ENTPD4: variants seen among roughly 807,000 people sequenced by gnomAD.
ENTPD4 encodes Golgi UDPase.
A neutral mutation model predicts 79.1 loss-of-function variants in ENTPD4; 60 were observed. The observed-to-expected ratio is 0.76, with a 90% CI of 0.62 to 0.94. The LOEUF (loss-of-function observed/expected upper bound fraction) is 0.94. Ranked by LOEUF, ENTPD4 falls within the 40% of genes least tolerant of loss-of-function variation. The probability of loss-of-function intolerance (pLI) is 0.00; values close to 1 mark genes in which losing one functional copy is unlikely to be tolerated. For missense variants in ENTPD4, 772 were observed against 775.1 expected (o/e 1.00, Z 0.05); for synonymous variants, 276 against 292.0 (o/e 0.95, Z 0.56).
At chr8:23,454,284 C>CATCAGTG (rs1800915275) in intron 1 of ENTPD4, among the ~76,000 whole-genome samples, 1 of 151,906 alleles carries the variant, frequency 6.6e-6, no homozygotes, top group Non-Finnish European at 1.5e-5. Context: ...TTAAAAAAAA[C>CATCAGTG]ATCAGTGATA....
rs1585399237 is a variant in ENTPD4, at chr8:23,433,298, C to G, written c.1623-144G>C. 4.7e-6 allele frequency: 3 copies of G among 639,290 alleles called. No homozygotes were observed. The East Asian group carries it at 8.2e-5, about 18-fold the overall frequency. 39.6% of individuals were successfully genotyped at this position (639,290 alleles called of 1,614,324 possible). A position where few individuals can be genotyped will look rare whatever the true frequency, so the allele number is the denominator to read the frequency against. On this transcript the variant is annotated intron_variant, in intron 12 of 12. Transcript: ENST00000358689. ...ACCTCTGAAATGGAGAACGGAACAG[C>G]CCAATGCAGGGGGCTTCTAAGTATC...
chr8:23,441,887 C>A, intron 7 of ENTPD4, 120 bp downstream of exon 7: 1 of 1,125,726 alleles, frequency 8.9e-7, no homozygotes, highest in South Asian at 1.4e-5. Flanking sequence ...TGCAGCTGCT[C>A]TCATTCTACT....
chr8:23,442,451 C>A (rs1015083740), intron 6 of ENTPD4, among the ~76,000 whole-genome samples: 2 of 152,044 alleles, frequency 1.3e-5, no homozygotes, highest in African/African-American at 4.8e-5. Context: ...TTTGTGAGGC[C>A]GAGGCAGGCA....
At chr8:23,441,968 T>C in intron 7 of ENTPD4, 39 bp downstream of exon 7, 1 of 1,556,474 alleles carries the variant, frequency 6.4e-7, no homozygotes, top group Non-Finnish European at 8.9e-7. Flanking sequence ...AAAGCACCAA[T>C]TTCCAACTAG....
At chr8:23,439,092 C>G (rs1800622816) in intron 9 of ENTPD4, among the ~76,000 whole-genome samples, 1 of 152,084 alleles carries the variant, frequency 6.6e-6, no homozygotes, top group Non-Finnish European at 1.5e-5. Flanking sequence ...TTACAAATTT[C>G]AAATAAATAA....
At position 23,430,393 on chromosome 8, in the gene ENTPD4, G is replaced by A. The variant is rs1002738198; in HGVS notation, c.*2533C>T. 2 of 985,288 alleles carry A rather than the reference G, an allele frequency of 2.0e-6. No individual in the cohort carries two copies. The highest frequency in any genetic ancestry group is 2.4e-6 in the Non-Finnish European group (2 of 829,930). The allele number at this position is 985,288 out of a possible 1,614,324, so 61.0% of individuals were successfully genotyped here. On this transcript the variant is annotated 3_prime_UTR_variant, in exon 13 of 13. Transcript: ENST00000358689. ...ACAAATATTTTAAGATTGAAGTTTG[G>A]TTACTTCTCTTGTCCATCTTTTCGT...
At chr8:23,444,344 T>C in intron 5 of ENTPD4, 112 bp downstream of exon 5, 1 of 957,934 alleles carries the variant, frequency 1.0e-6, no homozygotes, top group Non-Finnish European at 1.6e-6. Flanking sequence ...TTGAATATTT[T>C]CCTTTCAATG....
chr8:23,431,469 C>T lies in ENTPD4; in HGVS notation c.*1457G>A. The T allele has an allele frequency of 1.3e-5, 13 of 985,466 alleles. No individual in the cohort carries two copies. Among genetic ancestry groups the T allele is most frequent in the South Asian group, 9.4e-5 (2 of 21,292 alleles). 61.0% of individuals were successfully genotyped at this position (985,466 alleles called of 1,614,324 possible). On this transcript the variant is annotated 3_prime_UTR_variant, in exon 13 of 13. Coordinates refer to ENST00000358689, the MANE Select transcript of ENTPD4 (RefSeq NM_004901.5). ...AATAGGTGAAAAAACACCAATCTCA[C>T]ATATGCCAATCCAATTGTCCTTTTT...
rs1402591963 is a variant in ENTPD4, at chr8:23,441,699, T to A, written c.752A>T (p.Asn251Ile). 1.2e-5 allele frequency: 19 copies of A among 1,613,990 alleles called. No individual in the cohort carries two copies. Among genetic ancestry groups the A allele is most frequent in the Non-Finnish European group, 1.5e-5 (18 of 1,180,036 alleles). The change falls in exon 8 of 13, where the codon AAC (asparagine) becomes ATC (isoleucine). Residue 251 changes from asparagine (N) to isoleucine (I), a missense_variant. By Grantham distance (149) the Asn-to-Ile change is moderately radical. Coordinates refer to ENST00000358689, the MANE Select transcript of ENTPD4 (RefSeq NM_004901.5). ...EDDDEAVVEV[N>I]IPGSESSEAI... ...TTCGCTGCTTTCACTTCCAGGAATG[T>A]TAACTTCCACAACGGCCTCATCATC...
chr8:23,454,275 T>TA (rs1016167473), intron 1 of ENTPD4, among the ~76,000 whole-genome samples: 5 of 151,950 alleles, frequency 3.3e-5, no homozygotes, highest in South Asian at 2.1e-4. Flanking sequence ...TCTGAACATT[T>TA]AAAAAAAACA....
chr8:23,454,094 T>C (rs546269068), intron 1 of ENTPD4, among the ~76,000 whole-genome samples: 2 of 152,372 alleles, frequency 1.3e-5, no homozygotes, highest in South Asian at 4.1e-4. Flanking sequence ...TTTTCTTCCC[T>C]AGGCTTGCCT....
rs570420189 is a variant in ENTPD4, at chr8:23,432,952, C to A, written c.1825G>T (p.Ala609Ser). ...AALWMEEGLP[A>S]QNAPGTL ...CACAAGGTCCCCGGGGCATTCTGGG[C>A]GGGAAGGCCCTCCTCCATCCAGAGG... Residue 609 changes from alanine (A) to serine (S), a missense_variant, in exon 13 of 13, where the codon GCC becomes TCC. Ala to Ser is a moderately conservative substitution (Grantham distance 99). Transcript: ENST00000358689. 8.7e-6 allele frequency: 14 copies of A among 1,608,592 alleles called. 1 individual carries two copies. Among genetic ancestry groups the A allele is most frequent in the South Asian group, 2.2e-5 (2 of 90,464 alleles).
chr8:23,441,084 C>A (rs1270907107), intron 8 of ENTPD4, among the ~76,000 whole-genome samples: 2 of 152,194 alleles, frequency 1.3e-5, no homozygotes, highest in East Asian at 3.8e-4. Context: ...GCCCAGGCAG[C>A]AACTGAGAGG....
Position 23,431,373 on chromosome 8 carries a change from C to CA in ENTPD4, c.*1552dup. ...TTCTGGAGTTAGGGAACAGCACACA[C>CA]AGACACTCGCACAAAACAAACTCCA... is the stretch of plus-strand genomic sequence containing the variant. On this transcript the variant is annotated 3_prime_UTR_variant, in exon 13 of 13. Transcript: ENST00000358689. 1.0e-6 allele frequency: 1 copy of CA among 985,416 alleles called. No homozygotes were observed. The highest frequency in any genetic ancestry group is 1.2e-6 in the Non-Finnish European group (1 of 829,932). The allele number at this position is 985,416 out of a possible 1,614,324, so 61.0% of individuals were successfully genotyped here.
chr8:23,435,480 G>A lies in ENTPD4; in HGVS notation c.1375-3C>T, dbSNP rs2117277146. ...GACCACTTTGTTGCACAATAATCCT[G>A]AAAACAAATTCACCAAAATAGATCA... On this transcript the variant is annotated splice_polypyrimidine_tract_variant and splice_region_variant and intron_variant, in intron 10 of 12. Coordinates refer to ENST00000358689, the MANE Select transcript of ENTPD4 (RefSeq NM_004901.5). The A allele has an allele frequency of 6.2e-7, 1 of 1,611,840 alleles. No homozygotes were observed. The highest frequency in any genetic ancestry group is 8.5e-7 in the Non-Finnish European group (1 of 1,178,034).
rs1383171060 is a variant in ENTPD4 at position 23,434,478 on chromosome 8, C to T, written c.1461G>A (p.Lys487=). The change falls in exon 12 of 13, where the codon AAG becomes AAA. Residue 487 remains lysine (K), a splice_region_variant and synonymous_variant. Transcript: ENST00000358689. ...YASHADLHRL[K]YQCFKSAWMF... is the part of the protein sequence containing the mutation. ...TCCAGGCCGATTTGAAGCACTGATA[C>T]CTACAAACGGCAAGCACAAAGGCAA... 8.1e-6 allele frequency: 13 copies of T among 1,613,880 alleles called. No homozygotes were observed. The Admixed American group carries it at 1.8e-4, about 23-fold the overall frequency.
chr8:23,456,832 A>G (rs925372550), intron 1 of ENTPD4, among the ~76,000 whole-genome samples: 3 of 152,342 alleles, frequency 2.0e-5, no homozygotes, highest in South Asian at 4.1e-4. Flanking sequence ...CTGGGCTTTG[A>G]GTGTCTAATT....
intron 1 of ENTPD4, among the ~76,000 whole-genome samples, chr8:23,452,839 G>C (rs936505462): frequency 3.9e-5 from 6 of 152,284 alleles, no homozygotes; most frequent in South Asian, 4.1e-4. Context: ...ATGAGTCCTC[G>C]GTGAGTTTCC....
intron 1 of ENTPD4, among the ~76,000 whole-genome samples, chr8:23,451,612 C>T (rs993608055): frequency 2.0e-5 from 3 of 152,202 alleles, no homozygotes; most frequent in African/African-American, 7.2e-5. Flanking sequence ...CAAAGCCCTA[C>T]AGGATCTAAC....
Sources: allele counts gnomAD v4.1 joint callset (sites outside exome capture counted in the v4.1 genomes callset), GRCh38; gene constraint gnomAD v4.1.1; transcripts MANE v1.5; gene names NCBI Gene and HGNC (gene_info 2026-07-23, HGNC 2026-07-21).